The following PLPP1 variants were observed in gnomAD, a reference collection of about 807,000 sequenced individuals.
The protein encoded by PLPP1 is phospholipid phosphatase 1, also known as lipid phosphate phosphohydrolase 1a.
In PLPP1, 24 loss-of-function variants were observed where a neutral mutation model predicts 31.2. The ratio of observed to expected loss-of-function variants is 0.77; its 90% CI spans 0.56 to 1.08. The LOEUF is 1.08. PLPP1 is among the 50% of genes least tolerant of loss of function. The pLI is 0.00. For missense variants in PLPP1, 319 were observed against 342.7 expected, an observed-to-expected ratio of 0.93 and a Z score of 0.55; for synonymous variants, 146 against 126.3, an observed-to-expected ratio of 1.16 and a Z score of -1.05.
At chr5:55,437,813 G>A (rs1417847647) in intron 4 of PLPP1, among the ~76,000 whole-genome samples, 2 of 152,190 alleles carry the variant, frequency 1.3e-5, no homozygotes, top group African/African-American at 4.8e-5. Context: ...CGTAGGCTAT[G>A]GGCCATGAGT....
chr5:55,428,513 G>GT (rs1315472119), intron 4 of PLPP1, among the ~76,000 whole-genome samples: 1 of 152,178 alleles, frequency 6.6e-6, no homozygotes, highest in Non-Finnish European at 1.5e-5. Context: ...TCCTATATGC[G>GT]TAAGTTCAAC....
At chr5:55,504,511 C>T (rs1447535497) in intron 1 of PLPP1, among the ~76,000 whole-genome samples, 1 of 96,686 alleles carries the variant, frequency 1.0e-5, no homozygotes, top group Admixed American at 1.8e-4. Flanking sequence ...GGAGACAGAG[C>T]AAGACTCCAT....
At position 55,534,792 on chromosome 5, in the gene PLPP1, C is replaced by T. The variant is rs550565287; in HGVS notation, c.-163G>A. On this transcript the variant is annotated 5_prime_UTR_variant, in exon 1 of 6. Coordinates refer to ENST00000307259, the MANE Select transcript of PLPP1 (RefSeq NM_003711.4). ...CCGAGGGCGGGCTGAGACCGGGCGG[C>T]GCTCCCACCGCCAGCAATGGCGCCC... 1.4e-3 allele frequency: 918 copies of T among 675,774 alleles called. 7 individuals carry two copies. The African/African-American group carries it at 0.017, about 12-fold the overall frequency. 41.9% of individuals were successfully genotyped at this position (675,774 alleles called of 1,614,324 possible).
At chr5:55,425,731 T>A (rs1480038353) in intron 5 of PLPP1, 132 bp downstream of exon 5, 1 of 838,366 alleles carries the variant, frequency 1.2e-6, no homozygotes, top group Non-Finnish European at 1.8e-6. Context: ...GAAGTGACTT[T>A]TAATAACATT....
intron 1 of PLPP1, chr5:55,485,005 C>A (rs1752746990): frequency 6.6e-6 from 1 of 152,044 alleles, no homozygotes; most frequent in South Asian, 2.1e-4. Context: ...ATTCAGGCTG[C>A]CCCCCACCCT....
chr5:55,534,722 G>T lies in PLPP1; in HGVS notation c.-93C>A, dbSNP rs1740824368. The T allele has an allele frequency of 4.5e-6, 6 of 1,328,142 alleles. No individual in the cohort carries two copies. Among genetic ancestry groups the T allele is most frequent in the East Asian group, 5.9e-5 (2 of 33,962 alleles). The allele number at this position is 1,328,142 out of a possible 1,614,324, so 82.3% of individuals were successfully genotyped here. A position where few individuals can be genotyped will look rare whatever the true frequency, so the allele number is the denominator to read the frequency against. ...TTCTCGAGCCCGGGCCGGGGCTGGC[G>T]ACGGCCCCGAGCTACGGCCCCTCCC... On this transcript the variant is annotated 5_prime_UTR_variant, in exon 1 of 6. Transcript: ENST00000307259.
chr5:55,435,344 G>C (rs12521981), intron 4 of PLPP1, among the ~76,000 whole-genome samples: 28,492 of 152,124 alleles, frequency 0.19, 2,748 homozygotes, highest in Admixed American at 0.19. Context: ...CTAATCCGGG[G>C]AAGTATGCTG....
chr5:55,519,501 C>A (rs1469735578), intron 1 of PLPP1, among the ~76,000 whole-genome samples: 2 of 152,152 alleles, frequency 1.3e-5, no homozygotes, highest in Non-Finnish European at 2.9e-5. Context: ...GTAATCCCAG[C>A]ACTTTGGGAG....
chr5:55,457,623 G>A (rs2111755605), intron 3 of PLPP1, among the ~76,000 whole-genome samples: 1 of 152,234 alleles, frequency 6.6e-6, no homozygotes, highest in South Asian at 2.1e-4. Context: ...TTGCAAGGGG[G>A]CTCACGCCTG....
intron 3 of PLPP1, among the ~76,000 whole-genome samples, chr5:55,445,720 T>C (rs1751749782): frequency 6.6e-6 from 1 of 151,918 alleles, no homozygotes; most frequent in Admixed American, 6.6e-5. Flanking sequence ...AATTTTTGTA[T>C]TTTTAGTAGA....
intron 1 of PLPP1, among the ~76,000 whole-genome samples, chr5:55,490,261 C>T (rs573883593): frequency 2.7e-5 from 4 of 150,842 alleles, no homozygotes; most frequent in Non-Finnish European, 5.9e-5. Context: ...AGCGATTCTC[C>T]TGCCTCGGCC....
chr5:55,471,360 C>A (rs1303224568), intron 2 of PLPP1, among the ~76,000 whole-genome samples: 1 of 152,072 alleles, frequency 6.6e-6, no homozygotes, highest in African/African-American at 2.4e-5. Flanking sequence ...CACCACCGCA[C>A]CCAGCTAAAT....
Position 55,475,500 on chromosome 5 carries a change from C to G in PLPP1, c.59-50G>C. On this transcript the variant is annotated intron_variant, in intron 1 of 5. Coordinates refer to ENST00000307259, the MANE Select transcript of PLPP1 (RefSeq NM_003711.4). ...TATCATTAAAAAAGAAATATCAAAA[C>G]TAATTAATGGCAATAATTATCCCAC... 6 of 1,469,730 alleles carry G rather than the reference C, an allele frequency of 4.1e-6. No homozygotes were observed. The Middle Eastern group carries it at 1.1e-3, about 264-fold the overall frequency. The allele number at this position is 1,469,730 out of a possible 1,614,324, so 91.0% of individuals were successfully genotyped here.
intron 1 of PLPP1, among the ~76,000 whole-genome samples, chr5:55,533,689 G>A (rs113689909): frequency 2.6e-5 from 4 of 152,242 alleles, no homozygotes; most frequent in African/African-American, 9.6e-5. Context: ...AGCAGCTCTT[G>A]CTTTGTTTTT....
At chr5:55,513,324 G>A (rs1465281796) in intron 1 of PLPP1, among the ~76,000 whole-genome samples, 1 of 137,430 alleles carries the variant, frequency 7.3e-6, no homozygotes, top group African/African-American at 2.7e-5. Flanking sequence ...ACAGTGGCAT[G>A]ATCTCAGCTA....
intron 2 of PLPP1, 94 bp from the exon 3 acceptor site, chr5:55,468,243 C>T (rs1447685430): frequency 2.6e-6 from 3 of 1,148,056 alleles, no homozygotes; most frequent in Non-Finnish European, 3.7e-6. Flanking sequence ...TGGTAAATCG[C>T]AAAAATATCT....
Position 55,427,775 on chromosome 5 carries a change from TG to T in PLPP1, c.550-1737del, listed in dbSNP as rs35821302. Among the ~76,000 whole-genome samples, 160 of 99,934 alleles carry T rather than the reference TG, an allele frequency of 1.6e-3. No individual in the cohort carries two copies. The East Asian group carries it at 0.028, about 17-fold the overall frequency. 65.6% of individuals were successfully genotyped at this position (99,934 alleles called of 152,430 possible). On this transcript the variant is annotated intron_variant, in intron 4 of 5. Transcript: ENST00000307259. ...AATCAACTAAGCTCCAACACTTTTT[TG>T]GGGGGGGGGATGTGGGAGGGGGAAG...
At chr5:55,503,298 T>C (rs1481370077) in intron 1 of PLPP1, among the ~76,000 whole-genome samples, 1 of 152,226 alleles carries the variant, frequency 6.6e-6, no homozygotes, top group African/African-American at 2.4e-5. Context: ...TAGTTTTAAG[T>C]TGCACTACAT....
At chr5:55,486,900 G>A (rs1481478420) in intron 1 of PLPP1, among the ~76,000 whole-genome samples, 10 of 151,158 alleles carry the variant, frequency 6.6e-5, no homozygotes, top group African/African-American at 2.4e-4. Flanking sequence ...GCGACAGAGC[G>A]AGACTCCACC....
Sources: allele counts gnomAD v4.1 joint callset (sites outside exome capture counted in the v4.1 genomes callset), GRCh38; gene constraint gnomAD v4.1.1; transcripts MANE v1.5; gene names NCBI Gene and HGNC (gene_info 2026-07-23, HGNC 2026-07-21).